The following HMGA2 variants were observed in gnomAD, a reference collection of about 807,000 sequenced individuals.
HMGA2 encodes high mobility group protein HMGI-C.
In HMGA2, 8 loss-of-function variants were observed where a neutral mutation model predicts 19.1. That is an observed-to-expected ratio of 0.42 (90% CI 0.25 to 0.76). The LOEUF (loss-of-function observed/expected upper bound fraction) is 0.76. Ranked by LOEUF, HMGA2 falls within the 30% of genes least tolerant of loss-of-function variation. The pLI is 0.28. For synonymous variants in HMGA2, 60 were observed against 48.8 expected, an observed-to-expected ratio of 1.23 and a Z score of -0.96; for missense variants, 109 against 136.3, an observed-to-expected ratio of 0.80 and a Z score of 1.00.
chr12:65,960,661 A>G (rs1876727515), intron 4 of HMGA2, among the ~76,000 whole-genome samples: 1 of 152,240 alleles, frequency 6.6e-6, no homozygotes, highest in Non-Finnish European at 1.5e-5. Flanking sequence ...TGAGCATGTG[A>G]GAGCCACATT....
chr12:65,873,414 C>G (rs955479921), intron 3 of HMGA2, among the ~76,000 whole-genome samples: 12 of 152,072 alleles, frequency 7.9e-5, no homozygotes, highest in African/African-American at 2.9e-4. Flanking sequence ...CGTACTGAAT[C>G]TAGGCTAAGT....
intron 3 of HMGA2, among the ~76,000 whole-genome samples, chr12:65,914,150 C>T (rs912956733): frequency 7.2e-5 from 11 of 152,032 alleles, no homozygotes; most frequent in African/African-American, 2.7e-4. Context: ...TGGCTATATA[C>T]CCAAATGACT....
chr12:65,918,406 GT>G (rs1565732260), intron 3 of HMGA2, among the ~76,000 whole-genome samples: 1 of 152,190 alleles, frequency 6.6e-6, no homozygotes, highest in African/African-American at 2.4e-5. Context: ...AGCAGGGCTG[GT>G]GAGAAAACTT....
chr12:65,875,757 G>T (rs1007997031), intron 3 of HMGA2, among the ~76,000 whole-genome samples: 1 of 151,526 alleles, frequency 6.6e-6, no homozygotes, highest in East Asian at 1.9e-4. Context: ...GGCCTTGTCT[G>T]GTTTTTTAAT....
rs1273670836 is a variant in HMGA2 at position 65,842,895 on chromosome 12, T to A, written c.249+4326T>A. ...GTGGGGCTCAGGCTCAAGAATACAA[T>A]GAAGTAATAAAGTTGTTAACCTCAT... is the stretch of plus-strand genomic sequence containing the variant. On this transcript the variant is annotated intron_variant, in intron 3 of 4. Transcript: ENST00000403681. The A allele has an allele frequency of 2.4e-6, 3 of 1,246,096 alleles. No homozygotes were observed. The African/African-American group carries it at 4.5e-5, about 19-fold the overall frequency. The allele number at this position is 1,246,096 out of a possible 1,614,324, so 77.2% of individuals were successfully genotyped here. A position where few individuals can be genotyped will look rare whatever the true frequency, so the allele number is the denominator to read the frequency against.
chr12:65,855,321 G>A (rs764456319), intron 3 of HMGA2, among the ~76,000 whole-genome samples: 6 of 152,100 alleles, frequency 3.9e-5, no homozygotes, highest in Non-Finnish European at 5.9e-5. Context: ...ATGTCATCTT[G>A]ACACATTTAG....
chr12:65,955,486 G>T (rs1876580734), intron 4 of HMGA2: 1 of 152,090 alleles, frequency 6.6e-6, no homozygotes, highest in Non-Finnish European at 1.5e-5. Context: ...TTTAATCTGA[G>T]ACTTGAAGGG....
At chr12:65,864,113 T>A (rs1872258898) in intron 3 of HMGA2, among the ~76,000 whole-genome samples, 1 of 152,178 alleles carries the variant, frequency 6.6e-6, no homozygotes, top group South Asian at 2.1e-4. Flanking sequence ...TAGTTGTTGA[T>A]GAGCACTACA....
intron 3 of HMGA2, among the ~76,000 whole-genome samples, chr12:65,884,650 T>C (rs1873581474): frequency 6.6e-6 from 1 of 152,218 alleles, no homozygotes; most frequent in Non-Finnish European, 1.5e-5. Context: ...GTGAAATTTC[T>C]CTATTAAGAT....
At chr12:65,848,129 C>T (rs1190130132) in intron 3 of HMGA2, among the ~76,000 whole-genome samples, 2 of 152,206 alleles carry the variant, frequency 1.3e-5, no homozygotes, top group Non-Finnish European at 2.9e-5. Flanking sequence ...TTAATGTTTC[C>T]ATTCCCTCAC....
At chr12:65,869,874 T>G (rs1487761836) in intron 3 of HMGA2, among the ~76,000 whole-genome samples, 2 of 152,224 alleles carry the variant, frequency 1.3e-5, no homozygotes, top group Non-Finnish European at 2.9e-5. Context: ...AACTGAATTT[T>G]GAACCCAGGT....
intron 3 of HMGA2, chr12:65,882,138 G>T: frequency 7.0e-6 from 3 of 428,126 alleles, no homozygotes; most frequent in Non-Finnish European, 8.8e-6. Flanking sequence ...CAATGACAGA[G>T]CTGGGCAGGC....
chr12:65,908,508 C>T (rs1874701550), intron 3 of HMGA2, among the ~76,000 whole-genome samples: 1 of 152,084 alleles, frequency 6.6e-6, no homozygotes, highest in South Asian at 2.1e-4. Context: ...TTTGTTATTA[C>T]CCTTTCTACA....
chr12:65,946,932 C>G (rs1876285927), intron 3 of HMGA2, among the ~76,000 whole-genome samples: 1 of 152,042 alleles, frequency 6.6e-6, no homozygotes, highest in Non-Finnish European at 1.5e-5. Context: ...CATGTTGTAC[C>G]CTAAGCTATT....
chr12:65,895,653 C>A (rs1318178903), intron 3 of HMGA2, among the ~76,000 whole-genome samples: 1 of 152,102 alleles, frequency 6.6e-6, no homozygotes, highest in African/African-American at 2.4e-5. Flanking sequence ...CAAACAAATA[C>A]CTCCTTGTGC....
rs1179375258 is a variant in HMGA2 at position 65,963,298 on chromosome 12, G to A, written c.*6G>A. The A allele has an allele frequency of 3.7e-6, 6 of 1,612,998 alleles. No homozygotes were observed. The highest frequency in any genetic ancestry group is 5.1e-6 in the Non-Finnish European group (6 of 1,179,478). ...AGTCTGCCGAAGAGGACTAGGGGGC[G>A]CCAACGTTCGATTTCTACCTCAGCA... On this transcript the variant is annotated 3_prime_UTR_variant, in exon 5 of 5. Coordinates refer to ENST00000403681, the MANE Select transcript of HMGA2 (RefSeq NM_003483.6).
intron 3 of HMGA2, among the ~76,000 whole-genome samples, chr12:65,924,654 T>A (rs939897687): frequency 6.6e-6 from 1 of 152,036 alleles, no homozygotes; most frequent in African/African-American, 2.4e-5. Context: ...AAAAATTAGC[T>A]GGGCGTTGTG....
rs745605177 is a variant in HMGA2, at chr12:65,963,281, G to T, written c.319G>T (p.Glu107Ter). The stretch of plus-strand genomic sequence containing the variant: ...AGAGACATCCTCACAAGAGTCTGCC[G>T]AAGAGGACTAGGGGGCGCCAACGTT... Reference protein sequence around the residue: ...TEETSSQESAEED With the variant: ...TEETSSQESA Residue 107 changes from glutamate (E) to a stop codon, truncating the protein, a stop_gained, in exon 5 of 5, where the codon GAA becomes TAA. Coordinates refer to ENST00000403681, the MANE Select transcript of HMGA2 (RefSeq NM_003483.6). LOFTEE classifies it high-confidence loss of function. 1 of 1,613,610 alleles carries T rather than the reference G, an allele frequency of 6.2e-7. No homozygotes were observed. The highest frequency in any genetic ancestry group is 1.7e-5 in the Admixed American group (1 of 60,000).
intron 3 of HMGA2, among the ~76,000 whole-genome samples, chr12:65,916,061 C>A (rs151070944): frequency 7.2e-5 from 11 of 152,214 alleles, no homozygotes; most frequent in Non-Finnish European, 1.6e-4. Flanking sequence ...GTGCTGTCAT[C>A]CTTGCCAGAA....
Sources: gnomAD v4.1 joint callset for allele counts (sites outside exome capture counted in the v4.1 genomes callset) on GRCh38, gnomAD v4.1.1 for gene constraint, MANE v1.5 for transcripts, NCBI Gene and HGNC (gene_info 2026-07-23, HGNC 2026-07-21) for gene names.